Variants in CYB561 observed in about 807,000 individuals in gnomAD.
The protein encoded by CYB561 is cytochrome b561.
In CYB561, 11 loss-of-function variants were observed where a neutral mutation model predicts 25.3. The ratio of observed to expected loss-of-function variants is 0.44; its 90% confidence interval spans 0.27 to 0.72. The LOEUF is 0.72. CYB561 is among the 30% of genes least tolerant of loss of function. CYB561 has a pLI of 0.18. For missense variants in CYB561, 295 were observed against 334.9 expected, an observed-to-expected ratio of 0.88 and a Z score of 0.93; for synonymous variants, 165 against 158.8, an observed-to-expected ratio of 1.04 and a Z score of -0.29.
chr17:63,443,285 C>CA (rs1349480496), intron 1 of CYB561, among the ~76,000 whole-genome samples: 1 of 152,164 alleles, frequency 6.6e-6, no homozygotes, highest in Non-Finnish European at 1.5e-5. Flanking sequence ...AGCCCTGGTG[C>CA]ATGCAGAGAC....
intron 2 of CYB561, 66 bp downstream of exon 2, chr17:63,437,280 C>A: frequency 7.8e-7 from 1 of 1,275,334 alleles, no homozygotes; most frequent in Non-Finnish European, 1.1e-6. Flanking sequence ...GTGACAAGAC[C>A]CCTGCAAACT....
intron 1 of CYB561, among the ~76,000 whole-genome samples, chr17:63,443,101 T>C (rs2049392657): frequency 6.6e-6 from 1 of 152,164 alleles, no homozygotes; most frequent in African/African-American, 2.4e-5. Flanking sequence ...AACAGCTCAA[T>C]TGCCCTAGAG....
Position 63,435,138 on chromosome 17 carries a change from A to G in CYB561, c.511T>C (p.Ser171Pro), listed in dbSNP as rs758709682. 4.3e-6 allele frequency: 7 copies of G among 1,614,172 alleles called. No homozygotes were observed. Among genetic ancestry groups the G allele is most frequent in the Non-Finnish European group, 5.9e-6 (7 of 1,180,044 alleles). Reference protein sequence around the residue: ...IFFGATIFLLSVGTALLGLKE... With the variant: ...IFFGATIFLLPVGTALLGLKE... ...AGGCCCAGCAGGGCGGTGCCCACGG[A>G]AAGGAGGAAGATGGTAGCACCAAAG... is the stretch of plus-strand genomic sequence containing the variant. Residue 171 changes from serine (S) to proline (P), a missense_variant, in exon 5 of 6, where the codon TCC (serine) becomes CCC (proline). By Grantham distance (74) the Ser-to-Pro change is moderately conservative. Coordinates refer to ENST00000360793, the MANE Select transcript of CYB561 (RefSeq NM_001915.4).
rs2049392171 is a variant in CYB561 at position 63,443,077 on chromosome 17, T to C, written c.-14+3168A>G. 2.0e-5 allele frequency among the ~76,000 whole-genome samples: 3 copies of C among 152,156 alleles called. No homozygotes were observed. The South Asian group carries it at 6.2e-4, about 32-fold the overall frequency. On this transcript the variant is annotated intron_variant, in intron 1 of 5. Transcript: ENST00000360793. ...CGGAAAGGCCGATATCTCTTCTTGA[T>C]GGGTGAAGGGGAAAACAGCTCAATT...
At chr17:63,437,803 C>G (rs78347261) in intron 1 of CYB561, 5,972 of 494,854 alleles carry the variant, frequency 0.012, 387 homozygotes, top group African/African-American at 0.12. Context: ...TGCGCACAGC[C>G]CCCTCCAGAT....
intron 1 of CYB561, among the ~76,000 whole-genome samples, chr17:63,445,590 G>A (rs765968132): frequency 6.6e-6 from 1 of 151,900 alleles, no homozygotes; most frequent in Non-Finnish European, 1.5e-5. Flanking sequence ...GGACAGGGCA[G>A]GGAGGGAGGG....
At chr17:63,438,556 G>A (rs1453413652) in intron 1 of CYB561, among the ~76,000 whole-genome samples, 1 of 151,638 alleles carries the variant, frequency 6.6e-6, no homozygotes, top group Non-Finnish European at 1.5e-5. Flanking sequence ...CACAGGGACA[G>A]GGCACTTCCC....
At chr17:63,439,552 T>TA (rs921413990) in intron 1 of CYB561, among the ~76,000 whole-genome samples, 26 of 146,070 alleles carry the variant, frequency 1.8e-4, no homozygotes, top group South Asian at 6.5e-4. Flanking sequence ...TTTTTTTAAT[T>TA]AAAAAAAAAA....
At chr17:63,437,987 C>CCCG in intron 1 of CYB561, 3 of 986,146 alleles carry the variant, frequency 3.0e-6, no homozygotes, top group Non-Finnish European at 4.3e-6. Context: ...CACCCTCCCC[C>CCCG]GAGGCTCCCG....
intron 1 of CYB561, chr17:63,442,647 C>G (rs2049385942): frequency 6.6e-6 from 1 of 152,200 alleles, no homozygotes; most frequent in Admixed American, 6.5e-5. Flanking sequence ...AGAGGGAGCT[C>G]ACGTAGCCCC....
At chr17:63,445,600 G>C (rs2147504909) in intron 1 of CYB561, among the ~76,000 whole-genome samples, 1 of 142,544 alleles carries the variant, frequency 7.0e-6, no homozygotes, top group African/African-American at 2.5e-5. Context: ...GGGAGGGAGG[G>C]AGGGAGGGTG....
intron 1 of CYB561, among the ~76,000 whole-genome samples, chr17:63,441,823 C>T (rs746730626): frequency 1.2e-4 from 18 of 152,332 alleles, no homozygotes; most frequent in South Asian, 6.2e-4. Context: ...AGCTCCCGGG[C>T]GGTGCCCCCC....
intron 1 of CYB561, chr17:63,437,770 T>A: frequency 2.9e-6 from 1 of 343,588 alleles, no homozygotes; most frequent in Non-Finnish European, 5.2e-6. Flanking sequence ...CCCTGCTAGA[T>A]GCGCGCAACA....
At chr17:63,441,366 A>T (rs2049373728) in intron 1 of CYB561, among the ~76,000 whole-genome samples, 1 of 152,288 alleles carries the variant, frequency 6.6e-6, no homozygotes, top group South Asian at 2.1e-4. Flanking sequence ...CCCCAATTTG[A>T]CAGGCCAGGA....
intron 1 of CYB561, 199 bp from the exon 2 acceptor site, chr17:63,437,759 C>T (rs1281002219): frequency 5.3e-5 from 24 of 451,848 alleles, no homozygotes; most frequent in Non-Finnish European, 7.9e-5. Flanking sequence ...CGCACAGCCG[C>T]CCCTGCTAGA....
chr17:63,435,243 A>C lies in CYB561; in HGVS notation c.406T>G (p.Trp136Gly). The C allele has an allele frequency of 6.2e-7, 1 of 1,613,418 alleles. No individual in the cohort carries two copies. Among genetic ancestry groups the C allele is most frequent in the Non-Finnish European group, 8.5e-7 (1 of 1,179,700 alleles). ...ILVFVLYFVQ[W>G]LVGFSFFLFP... ...AGGAAGAAGCTGAAGCCCACCAGCC[A>C]CTAGGATTTGAAAGGAGACGGTTCC... The change falls in exon 5 of 6, where the codon TGG becomes GGG. Residue 136 changes from tryptophan to glycine, a missense_variant and splice_region_variant. Transcript: ENST00000360793.
At chr17:63,438,241 T>C (rs2049336040) in intron 1 of CYB561, 1 of 1,534,980 alleles carries the variant, frequency 6.5e-7, no homozygotes, top group Non-Finnish European at 8.7e-7. Context: ...GGCCCTGGCC[T>C]TCCCTGGGTG....
At position 63,433,500 on chromosome 17, in the gene CYB561, A is replaced by G; in HGVS notation, c.*902T>C. 2.5e-6 allele frequency: 1 copy of G among 398,506 alleles called. No individual in the cohort carries two copies. Among genetic ancestry groups the G allele is most frequent in the Non-Finnish European group, 4.4e-6 (1 of 226,152 alleles). The allele number at this position is 398,506 out of a possible 1,614,324, so 24.7% of individuals were successfully genotyped here. On this transcript the variant is annotated 3_prime_UTR_variant, in exon 6 of 6. Coordinates refer to ENST00000360793, the MANE Select transcript of CYB561 (RefSeq NM_001915.4). ...CCAGCAGCCCCAGGGGGCTCTAGCCACAGCCAGCAGCAGCGGTTTTTCATT... is the reference window on the plus strand; with the variant it reads ...CCAGCAGCCCCAGGGGGCTCTAGCCGCAGCCAGCAGCAGCGGTTTTTCATT...
intron 1 of CYB561, chr17:63,440,349 C>T (rs535025397): frequency 5.0e-6 from 2 of 398,622 alleles, no homozygotes; most frequent in South Asian, 1.3e-4. Flanking sequence ...CTGCCCAGGC[C>T]GCCGCATGCT....
Sources: allele counts gnomAD v4.1 joint callset (sites outside exome capture counted in the v4.1 genomes callset), GRCh38; gene constraint gnomAD v4.1.1; transcripts MANE v1.5; gene names NCBI Gene and HGNC (gene_info 2026-07-23, HGNC 2026-07-21).